Variants in MYO16 observed in about 807,000 individuals in gnomAD.
MYO16 encodes myosin XVI, also known as unconventional myosin-XVI.
Under a neutral mutation model 205.3 loss-of-function variants are expected in MYO16, and 94 were observed. That is an observed-to-expected ratio of 0.46 (90% CI 0.39 to 0.54). The LOEUF is 0.54. MYO16 is among the 20% of genes least tolerant of loss of function. MYO16 has a pLI of 0.00. For synonymous variants in MYO16, 988 were observed against 954.0 expected, an observed-to-expected ratio of 1.04 and a Z score of -0.66; for missense variants, 2,315 against 2,387.5, an observed-to-expected ratio of 0.97 and a Z score of 0.63.
intron 12 of MYO16, among the ~76,000 whole-genome samples, chr13:108,876,448 A>C (rs1390391420): frequency 6.6e-6 from 1 of 152,180 alleles, no homozygotes; most frequent in Non-Finnish European, 1.5e-5. Context: ...ATGATGTCTT[A>C]GATAGATGAC....
At chr13:108,999,058 C>T (rs1376652844) in intron 21 of MYO16, among the ~76,000 whole-genome samples, 1 of 152,004 alleles carries the variant, frequency 6.6e-6, no homozygotes, top group African/African-American at 2.4e-5. Context: ...TGGTGAAGGA[C>T]CAGTTTTAAT....
chr13:108,668,663 G>A (rs1332488380), intron 2 of MYO16, among the ~76,000 whole-genome samples: 10 of 152,082 alleles, frequency 6.6e-5, no homozygotes, highest in African/African-American at 1.7e-4. Context: ...TCCTTCTCAC[G>A]CTTCAGTTTG....
At chr13:108,547,801 T>C in the MYO16 span, among the ~76,000 whole-genome samples, 1 of 152,172 alleles carries the variant, frequency 6.6e-6, no homozygotes, top group East Asian at 1.9e-4. Flanking sequence ...AGTATGTAAA[T>C]AAAGAAAATC....
At chr13:109,166,042 A>G (rs1878645373) in intron 33 of MYO16, among the ~76,000 whole-genome samples, 1 of 152,144 alleles carries the variant, frequency 6.6e-6, no homozygotes, top group African/African-American at 2.4e-5. Flanking sequence ...CATAGAAACC[A>G]TTTTTCAAAT....
At chr13:109,136,803 A>G (rs1876796525) in intron 31 of MYO16, among the ~76,000 whole-genome samples, 1 of 152,132 alleles carries the variant, frequency 6.6e-6, no homozygotes. Context: ...GTCCCAAAGC[A>G]ACTTCAAAGA....
At chr13:108,748,240 G>A (rs1566584912) in intron 4 of MYO16, among the ~76,000 whole-genome samples, 1 of 151,934 alleles carries the variant, frequency 6.6e-6, no homozygotes, top group East Asian at 1.9e-4. Context: ...AGATTAAACA[G>A]CACACTTAAA....
intron 27 of MYO16, among the ~76,000 whole-genome samples, chr13:109,094,573 C>T (rs1001444630): frequency 9.2e-5 from 14 of 152,272 alleles, no homozygotes; most frequent in Admixed American, 2.6e-4. Flanking sequence ...ATGTACAAAA[C>T]GTACAGGTTT....
intron 1 of MYO16, among the ~76,000 whole-genome samples, chr13:108,620,577 A>C (rs1879502827): frequency 6.6e-6 from 1 of 152,188 alleles, no homozygotes; most frequent in African/African-American, 2.4e-5. Flanking sequence ...AAATTAAGGA[A>C]ATATTTCATT....
chr13:108,704,803 C>T (rs951986306), intron 2 of MYO16, among the ~76,000 whole-genome samples: 2 of 150,974 alleles, frequency 1.3e-5, no homozygotes, highest in African/African-American at 4.9e-5. Context: ...ATATCCAATG[C>T]CAATAAAAGG....
chr13:108,510,454 G>A, the MYO16 span, among the ~76,000 whole-genome samples: 1 of 72,380 alleles, frequency 1.4e-5, no homozygotes, highest in African/African-American at 5.8e-5. Flanking sequence ...ATTTAACATT[G>A]ATAGCTGTTT....
intron 12 of MYO16, among the ~76,000 whole-genome samples, chr13:108,870,902 CAT>C (rs1284632632): frequency 1.3e-5 from 2 of 151,932 alleles, no homozygotes; most frequent in Non-Finnish European, 2.9e-5. Context: ...CTGAATTCTA[CAT>C]GTTTGCTATT....
chr13:109,201,714 C>T (rs1418427593), intron 34 of MYO16, among the ~76,000 whole-genome samples: 2 of 152,028 alleles, frequency 1.3e-5, no homozygotes, highest in Non-Finnish European at 2.9e-5. Flanking sequence ...AAGCAGTGTA[C>T]ACTGAACCCA....
intron 16 of MYO16, among the ~76,000 whole-genome samples, chr13:108,952,806 A>C (rs972081191): frequency 1.3e-5 from 2 of 152,228 alleles, no homozygotes; most frequent in Non-Finnish European, 2.9e-5. Flanking sequence ...ATAAGAAAAT[A>C]GGCTTAAGCT....
rs548996780 is a variant in MYO16 at position 108,956,128 on chromosome 13, A to T, written c.1926-1560A>T. Among the ~76,000 whole-genome samples, 36 of 152,362 alleles carry T rather than the reference A, an allele frequency of 2.4e-4. No individual in the cohort carries two copies. In the South Asian group the frequency reaches 7.2e-3, roughly 31 times the overall value. The stretch of plus-strand genomic sequence containing the variant: ...CTTTAACAAGTAATTTAAAGTCAAT[A>T]TGTCTAATATCAAATATAAGACTTT... On this transcript the variant is annotated intron_variant, in intron 16 of 34. Transcript: ENST00000457511.
the MYO16 span, among the ~76,000 whole-genome samples, chr13:108,553,303 C>A: frequency 6.6e-6 from 1 of 152,136 alleles, no homozygotes; most frequent in East Asian, 1.9e-4. Flanking sequence ...AATACTCTTA[C>A]AATGACAATT....
At chr13:108,790,096 C>T (rs377613973) in intron 5 of MYO16, among the ~76,000 whole-genome samples, 5 of 152,232 alleles carry the variant, frequency 3.3e-5, no homozygotes, top group East Asian at 3.9e-4. Context: ...GGAAAAGCCA[C>T]GGAAGAGAGG....
intron 2 of MYO16, among the ~76,000 whole-genome samples, chr13:108,673,940 G>C (rs894334924): frequency 6.6e-6 from 1 of 152,038 alleles, no homozygotes; most frequent in Admixed American, 6.6e-5. Flanking sequence ...TTTGATTTTT[G>C]GTGCAATTTT....
the MYO16 span, among the ~76,000 whole-genome samples, chr13:108,508,328 C>T: frequency 6.6e-6 from 1 of 151,998 alleles, no homozygotes; most frequent in Non-Finnish European, 1.5e-5. Context: ...ACTAGTCAGC[C>T]CAGCTAGAGG....
Position 109,173,887 on chromosome 13 carries a change from C to CAAAAAA in MYO16, c.5324-5633_5324-5628dup, listed in dbSNP as rs778094207. On this transcript the variant is annotated intron_variant, in intron 33 of 34. Transcript: ENST00000457511. ...TGGGTGACAGAGCGAGACTCCATCTCAAAAAAAAAAAAAAAAAAAAAAAAA... is the reference window on the plus strand; with the variant it reads ...TGGGTGACAGAGCGAGACTCCATCTCAAAAAAAAAAAAAAAAAAAAAAAAAAAAAAA... 1.0e-3 allele frequency among the ~76,000 whole-genome samples: 30 copies of CAAAAAA among 29,114 alleles called. 1 individual carries two copies. Among genetic ancestry groups the CAAAAAA allele is most frequent in the South Asian group, 4.0e-3 (2 of 496 alleles). 19.1% of individuals were successfully genotyped at this position (29,114 alleles called of 152,430 possible).
Sources: gnomAD v4.1 joint callset for allele counts (sites outside exome capture counted in the v4.1 genomes callset) on GRCh38, gnomAD v4.1.1 for gene constraint, MANE v1.5 for transcripts, NCBI Gene and HGNC (gene_info 2026-07-23, HGNC 2026-07-21) for gene names.